LUZP2: variants seen among roughly 807,000 people sequenced by gnomAD.
The protein encoded by LUZP2 is leucine zipper protein 2.
A neutral mutation model predicts 51.6 loss-of-function variants in LUZP2; 52 were observed. The ratio of observed to expected loss-of-function variants is 1.01; its 90% CI spans 0.81 to 1.27. LUZP2 has a LOEUF of 1.27. Ranked by LOEUF, LUZP2 falls within the 50% of genes most tolerant of loss-of-function variation. The probability of loss-of-function intolerance (pLI) is 0.00; values close to 1 mark genes in which losing one functional copy is unlikely to be tolerated. For synonymous variants in LUZP2, 154 were observed against 137.3 expected (o/e 1.12, Z -0.85); for missense variants, 436 against 395.4 (o/e 1.10, Z -0.87).
chr11:24,781,527 G>A (rs1158475680), intron 5 of LUZP2, among the ~76,000 whole-genome samples: 1 of 151,652 alleles, frequency 6.6e-6, no homozygotes, highest in African/African-American at 2.4e-5. Context: ...AACACTAGAT[G>A]GAGTAATTTT....
chr11:25,002,473 C>T (rs1032421896), intron 9 of LUZP2, among the ~76,000 whole-genome samples: 1 of 152,272 alleles, frequency 6.6e-6, no homozygotes, highest in Non-Finnish European at 1.5e-5. Context: ...GGAATAGCAC[C>T]TGGTATCTAA....
At chr11:24,596,911 A>T (rs1277285415) in intron 1 of LUZP2, among the ~76,000 whole-genome samples, 2 of 152,164 alleles carry the variant, frequency 1.3e-5, no homozygotes, top group Non-Finnish European at 2.9e-5. Context: ...CAATTTTTAA[A>T]TCTCTGTTTT....
chr11:24,842,427 C>T (rs1241370850), intron 5 of LUZP2, among the ~76,000 whole-genome samples: 1 of 151,676 alleles, frequency 6.6e-6, no homozygotes, highest in Non-Finnish European at 1.5e-5. Flanking sequence ...TTGCATGAAT[C>T]TAGGTATTTA....
chr11:24,953,650 A>G (rs576964098), intron 7 of LUZP2, among the ~76,000 whole-genome samples: 1 of 152,108 alleles, frequency 6.6e-6, no homozygotes, highest in Admixed American at 6.6e-5. Context: ...AAATACAGAG[A>G]CTTTTCAGTA....
chr11:24,813,819 C>T (rs1380865315), intron 5 of LUZP2, among the ~76,000 whole-genome samples: 1 of 152,212 alleles, frequency 6.6e-6, no homozygotes, highest in African/African-American at 2.4e-5. Context: ...CTCCCTTCTT[C>T]ACCTGGGAGG....
chr11:24,570,520 T>C (rs1852398763), intron 1 of LUZP2, among the ~76,000 whole-genome samples: 1 of 152,060 alleles, frequency 6.6e-6, no homozygotes, highest in South Asian at 2.1e-4. Flanking sequence ...GTTGACTGAT[T>C]TTTTAAATTG....
intron 4 of LUZP2, among the ~76,000 whole-genome samples, chr11:24,754,083 A>G (rs1210700322): frequency 6.6e-6 from 1 of 152,058 alleles, no homozygotes; most frequent in African/African-American, 2.4e-5. Context: ...AAAGATTTCC[A>G]CCTTGTGAGA....
At chr11:24,690,952 G>A (rs1272373011) in intron 1 of LUZP2, among the ~76,000 whole-genome samples, 1 of 152,018 alleles carries the variant, frequency 6.6e-6, no homozygotes, top group African/African-American at 2.4e-5. Context: ...TTTCATCAAT[G>A]TCTAGATGTT....
chr11:25,048,113 C>T (rs74962637), intron 9 of LUZP2, among the ~76,000 whole-genome samples: 5 of 152,222 alleles, frequency 3.3e-5, no homozygotes, highest in Admixed American at 6.5e-5. Context: ...ACCCAGCCCC[C>T]CTTTGGCTGC....
At chr11:24,995,854 G>A (rs1323008097) in intron 9 of LUZP2, among the ~76,000 whole-genome samples, 1 of 151,822 alleles carries the variant, frequency 6.6e-6, no homozygotes, top group African/African-American at 2.4e-5. Context: ...TTTCTAGAAA[G>A]TCAATTCCAA....
chr11:24,991,150 C>T (rs927030767), intron 9 of LUZP2, among the ~76,000 whole-genome samples: 5 of 151,772 alleles, frequency 3.3e-5, no homozygotes, highest in African/African-American at 1.2e-4. Flanking sequence ...TCCCCAAAGT[C>T]CTTTGTATCA....
chr11:24,860,462 G>A (rs1056057880), intron 5 of LUZP2, among the ~76,000 whole-genome samples: 3 of 152,064 alleles, frequency 2.0e-5, no homozygotes, highest in Non-Finnish European at 4.4e-5. Context: ...TCATTAAATG[G>A]GTCCTGTTCC....
At chr11:24,954,524 T>G (rs576327878) in intron 7 of LUZP2, among the ~76,000 whole-genome samples, 1 of 152,162 alleles carries the variant, frequency 6.6e-6, no homozygotes, top group African/African-American at 2.4e-5. Flanking sequence ...ATTCTGATGT[T>G]CCTTATACAA....
At chr11:24,801,956 AAG>A (rs1040916218) in intron 5 of LUZP2, among the ~76,000 whole-genome samples, 2 of 151,798 alleles carry the variant, frequency 1.3e-5, no homozygotes, top group African/African-American at 4.8e-5. Context: ...TGTATGTACA[AAG>A]AGTACATATG....
intron 1 of LUZP2, among the ~76,000 whole-genome samples, chr11:24,543,415 A>G (rs886959771): frequency 2.0e-5 from 3 of 152,066 alleles, no homozygotes; most frequent in Non-Finnish European, 4.4e-5. Flanking sequence ...ATGTCTCTGA[A>G]AAAAGCTATC....
In LUZP2 at chr11:24,985,919, A is replaced by G. The variant is rs559889901; in HGVS notation, c.765+2626A>G. ...TTACCTGAAGAGACAGTATGGAGTG[A>G]AAAGAGATGAGGTCTGCAAAGTCAC... is the stretch of plus-strand genomic sequence containing the variant. On this transcript the variant is annotated intron_variant, in intron 9 of 11. Coordinates refer to ENST00000336930, the MANE Select transcript of LUZP2 (RefSeq NM_001009909.4). Among the ~76,000 whole-genome samples, 59 of 151,858 alleles carry G rather than the reference A, an allele frequency of 3.9e-4. No homozygotes were observed. In the South Asian group the frequency reaches 5.6e-3, roughly 14 times the overall value.
At chr11:24,920,899 A>T (rs1357246544) in intron 7 of LUZP2, among the ~76,000 whole-genome samples, 1 of 152,174 alleles carries the variant, frequency 6.6e-6, no homozygotes, top group Non-Finnish European at 1.5e-5. Context: ...CCACAATGCA[A>T]TATATTCATG....
At position 25,077,413 on chromosome 11, in the gene LUZP2, G is replaced by T. The variant is rs1413326449; in HGVS notation, c.936+7G>T. The T allele has an allele frequency of 6.3e-7, 1 of 1,575,670 alleles. No homozygotes were observed. The highest frequency in any genetic ancestry group is 1.1e-5 in the South Asian group (1 of 88,794). On this transcript the variant is annotated splice_region_variant and intron_variant, in intron 11 of 11. Coordinates refer to ENST00000336930, the MANE Select transcript of LUZP2 (RefSeq NM_001009909.4). ...AACCGAGCCTATCCCACAGGTATGT[G>T]TTTGTTTTATTTCGTTTGTGTCAAA...
intron 5 of LUZP2, among the ~76,000 whole-genome samples, chr11:24,797,206 ACGAT>A (rs781668377): frequency 3.3e-5 from 5 of 152,192 alleles, no homozygotes; most frequent in Non-Finnish European, 7.3e-5. Flanking sequence ...CTATCACATT[ACGAT>A]ATGTCATAAT....
Sources: allele counts gnomAD v4.1 joint callset (sites outside exome capture counted in the v4.1 genomes callset), GRCh38; gene constraint gnomAD v4.1.1; transcripts MANE v1.5; gene names NCBI Gene and HGNC (gene_info 2026-07-23, HGNC 2026-07-21).